Variants in CMSS1 observed in about 807,000 individuals in gnomAD.
The protein encoded by CMSS1 is cms1 ribosomal small subunit homolog.
In CMSS1, 33 loss-of-function variants were observed where a neutral mutation model predicts 43.5. The ratio of observed to expected loss-of-function variants is 0.76; its 90% CI spans 0.57 to 1.01. The LOEUF is 1.01. CMSS1 is among the 50% of genes least tolerant of loss of function. The pLI is 0.00. For synonymous variants in CMSS1, 115 were observed against 117.2 expected (o/e 0.98, Z 0.12); for missense variants, 313 against 326.4 (o/e 0.96, Z 0.32).
chr3:99,929,932 T>G (rs1559692424), intron 1 of CMSS1: 1 of 1,614,054 alleles, frequency 6.2e-7, no homozygotes, highest in East Asian at 2.2e-5. Context: ...CTGGAGAGCC[T>G]CTAACACCTT....
At chr3:100,134,071 A>G (rs138801003) in intron 1 of CMSS1, among the ~76,000 whole-genome samples, 3 of 152,344 alleles carry the variant, frequency 2.0e-5, no homozygotes, top group South Asian at 4.1e-4. Flanking sequence ...GTTACACTCT[A>G]TAACAAGGGT....
chr3:100,151,982 C>G (rs1212690204), intron 2 of CMSS1, among the ~76,000 whole-genome samples: 1 of 152,184 alleles, frequency 6.6e-6, no homozygotes, highest in African/African-American at 2.4e-5. Flanking sequence ...CCCACATGCT[C>G]AACACACAGT....
intron 1 of CMSS1, among the ~76,000 whole-genome samples, chr3:100,101,989 A>G (rs1276003825): frequency 6.6e-6 from 1 of 152,088 alleles, no homozygotes; most frequent in African/African-American, 2.4e-5. Context: ...CATGGTGTAT[A>G]TGTGCCACAT....
At chr3:100,049,121 G>A (rs2065327272) in intron 1 of CMSS1, among the ~76,000 whole-genome samples, 1 of 152,206 alleles carries the variant, frequency 6.6e-6, no homozygotes, top group African/African-American at 2.4e-5. Flanking sequence ...ATTGCAAACA[G>A]TTCTCTTTCC....
At chr3:99,882,820 T>G (rs2107604274) in intron 1 of CMSS1, among the ~76,000 whole-genome samples, 1 of 152,346 alleles carries the variant, frequency 6.6e-6, no homozygotes, top group South Asian at 2.1e-4. Context: ...AATGAGCTAG[T>G]TGTCTACTTT....
At chr3:100,162,556 C>T (rs935180965) in intron 4 of CMSS1, 124 bp downstream of exon 4, 1 of 1,042,334 alleles carries the variant, frequency 9.6e-7, no homozygotes, top group Non-Finnish European at 1.4e-6. Context: ...GCCTATAATC[C>T]CAGCACTTTG....
chr3:99,860,969 A>G (rs574461450), intron 1 of CMSS1, among the ~76,000 whole-genome samples: 2 of 152,302 alleles, frequency 1.3e-5, no homozygotes, highest in African/African-American at 4.8e-5. Context: ...GTTTACTCAG[A>G]TGACATCTAT....
chr3:99,852,914 C>T (rs1943773548), intron 1 of CMSS1, among the ~76,000 whole-genome samples: 1 of 152,116 alleles, frequency 6.6e-6, no homozygotes, highest in Non-Finnish European at 1.5e-5. Context: ...TGGGAGTCCA[C>T]TTTTAGTTTT....
chr3:99,930,017 C>T, intron 1 of CMSS1: 2 of 1,610,316 alleles, frequency 1.2e-6, no homozygotes, highest in South Asian at 1.1e-5. Flanking sequence ...ATGCCTATGA[C>T]CTCATCTCGA....
chr3:99,986,952 G>A (rs1392576426), intron 1 of CMSS1, among the ~76,000 whole-genome samples: 1 of 152,188 alleles, frequency 6.6e-6, no homozygotes, highest in Non-Finnish European at 1.5e-5. Flanking sequence ...ATTTAGGCCA[G>A]GCACAGTGGC....
intron 1 of CMSS1, among the ~76,000 whole-genome samples, chr3:100,022,820 C>CA (rs1228721690): frequency 2.6e-5 from 4 of 152,098 alleles, no homozygotes; most frequent in African/African-American, 9.7e-5. Context: ...CCTCAAGAGG[C>CA]AAAGAGAGTT....
intron 1 of CMSS1, among the ~76,000 whole-genome samples, chr3:100,059,985 G>A (rs2107341240): frequency 6.6e-6 from 1 of 151,714 alleles, no homozygotes; most frequent in South Asian, 2.1e-4. Flanking sequence ...AATTTAAAAT[G>A]TGACCCATAT....
At chr3:99,892,212 A>G (rs1447982576) in intron 1 of CMSS1, among the ~76,000 whole-genome samples, 2 of 152,194 alleles carry the variant, frequency 1.3e-5, no homozygotes, top group African/African-American at 4.8e-5. Flanking sequence ...GAAGTTTTTC[A>G]TAGTGCACTA....
At chr3:100,028,557 A>T (rs1186747701) in intron 1 of CMSS1, among the ~76,000 whole-genome samples, 2 of 152,334 alleles carry the variant, frequency 1.3e-5, no homozygotes, top group East Asian at 3.9e-4. Context: ...TTTATTACTA[A>T]TTACAAAATT....
intron 1 of CMSS1, among the ~76,000 whole-genome samples, chr3:100,081,039 A>C (rs930857546): frequency 2.0e-5 from 3 of 152,178 alleles, no homozygotes; most frequent in African/African-American, 7.2e-5. Flanking sequence ...TGTGTAATGA[A>C]GGTGTTATTT....
At chr3:99,972,460 G>A (rs1708851457) in intron 1 of CMSS1, among the ~76,000 whole-genome samples, 1 of 152,160 alleles carries the variant, frequency 6.6e-6, no homozygotes, top group Non-Finnish European at 1.5e-5. Flanking sequence ...GTAAGTGCTG[G>A]TAATCCATTT....
intron 1 of CMSS1, among the ~76,000 whole-genome samples, chr3:99,872,970 G>A (rs767110971): frequency 6.6e-6 from 1 of 151,786 alleles, no homozygotes; most frequent in African/African-American, 2.4e-5. Context: ...AAGTGTTGGT[G>A]ATAATCTGCT....
intron 1 of CMSS1, among the ~76,000 whole-genome samples, chr3:99,830,796 T>C (rs1478892506): frequency 2.0e-5 from 3 of 152,206 alleles, no homozygotes; most frequent in Non-Finnish European, 4.4e-5. Flanking sequence ...GTTGAATGTG[T>C]GCTGTGTGCA....
chr3:100,066,778 G>A (rs553262730), intron 1 of CMSS1, among the ~76,000 whole-genome samples: 6 of 94,580 alleles, frequency 6.3e-5, no homozygotes, highest in African/African-American at 1.0e-4. Flanking sequence ...TGATCCGCCC[G>A]CCTCGGCCTC....
Sources: allele counts gnomAD v4.1 joint callset (sites outside exome capture counted in the v4.1 genomes callset), GRCh38; gene constraint gnomAD v4.1.1; transcripts MANE v1.5; gene names NCBI Gene and HGNC (gene_info 2026-07-23, HGNC 2026-07-21).